The following SSBP2 variants were observed in gnomAD, a reference collection of about 807,000 sequenced individuals.
SSBP2 encodes the protein single-stranded DNA-binding protein 2.
SSBP2 carries 17 observed loss-of-function variants against 61.8 expected under a neutral mutation model. That is an observed-to-expected ratio of 0.28 (90% CI 0.19 to 0.41). The LOEUF is 0.41. Among genes scored for constraint, SSBP2 ranks in the 10% least tolerant of loss-of-function variants. The probability of loss-of-function intolerance (pLI) is 1.00; values close to 1 mark genes in which losing one functional copy is unlikely to be tolerated. For synonymous variants in SSBP2, 139 were observed against 141.3 expected (o/e 0.98, Z 0.12); for missense variants, 310 against 458.7 (o/e 0.68, Z 2.96).
upstream of SSBP2, chr5:81,751,375 G>C (rs942113076): frequency 6.3e-6 from 3 of 473,950 alleles, no homozygotes; most frequent in Admixed American, 3.7e-5. Flanking sequence ...CGGGCGCAAG[G>C]GGGGAATTAG....
chr5:81,442,181 C>A (rs932999631), intron 13 of SSBP2, among the ~76,000 whole-genome samples: 1 of 151,948 alleles, frequency 6.6e-6, no homozygotes, highest in African/African-American at 2.4e-5. Context: ...TAAGAACACC[C>A]AAGTTCTTCC....
At position 81,710,900 on chromosome 5, in the gene SSBP2, T is replaced by C. The variant is rs1283886040; in HGVS notation, c.62+40081A>G. 19 of 268,826 alleles carry C rather than the reference T, an allele frequency of 7.1e-5. No homozygotes were observed. In the Admixed American group the frequency reaches 8.3e-4, roughly 12 times the overall value. The allele number at this position is 268,826 out of a possible 1,614,324, so 16.7% of individuals were successfully genotyped here. The stretch of plus-strand genomic sequence containing the variant: ...ATCAAGTTTAAAAAGTAAATCTTTT[T>C]CCAAGATTTGTTAATATAAATACGT... On this transcript the variant is annotated intron_variant, in intron 1 of 16. Coordinates refer to ENST00000320672, the MANE Select transcript of SSBP2 (RefSeq NM_012446.5).
At position 81,497,267 on chromosome 5, in the gene SSBP2, C is replaced by T. The variant is rs531596769; in HGVS notation, c.373-7958G>A. Among the ~76,000 whole-genome samples, 5 of 152,130 alleles carry T rather than the reference C, an allele frequency of 3.3e-5. No individual in the cohort carries two copies. The East Asian group carries it at 5.8e-4, about 18-fold the overall frequency. On this transcript the variant is annotated intron_variant, in intron 5 of 16. Transcript: ENST00000320672. ...GGTAAATGGGTACGGTATTAATTATCGTCATTATAACAAAGATGTTCATTA... is the reference window on the plus strand; with the variant it reads ...GGTAAATGGGTACGGTATTAATTATTGTCATTATAACAAAGATGTTCATTA...
intron 1 of SSBP2, among the ~76,000 whole-genome samples, chr5:81,704,795 CAAAAAA>C (rs34376110): frequency 1.9e-5 from 1 of 51,988 alleles, no homozygotes; most frequent in African/African-American, 7.6e-5. Context: ...GATTCCATCT[CAAAAAA>C]AAAAAAAAAA....
intron 4 of SSBP2, among the ~76,000 whole-genome samples, chr5:81,523,088 TG>T (rs1224886691): frequency 3.3e-5 from 5 of 152,022 alleles, no homozygotes; most frequent in African/African-American, 1.2e-4. Flanking sequence ...AAGAGTGCTG[TG>T]ACTGGCTGGT....
chr5:81,632,696 A>T (rs1747841031), intron 3 of SSBP2, among the ~76,000 whole-genome samples: 1 of 152,062 alleles, frequency 6.6e-6, no homozygotes, highest in African/African-American at 2.4e-5. Flanking sequence ...CTGTATCTTC[A>T]GACTCTGCCC....
At chr5:81,670,322 GT>G (rs994301726) in intron 1 of SSBP2, among the ~76,000 whole-genome samples, 8 of 152,098 alleles carry the variant, frequency 5.3e-5, no homozygotes, top group Non-Finnish European at 1.0e-4. Flanking sequence ...GAACCTAAAA[GT>G]TAAAATTTAT....
At chr5:81,640,645 T>G (rs1054878705) in intron 2 of SSBP2, among the ~76,000 whole-genome samples, 2 of 152,184 alleles carry the variant, frequency 1.3e-5, no homozygotes, top group East Asian at 3.8e-4. Context: ...TCTGATGTCC[T>G]GCTAAAATTA....
intron 1 of SSBP2, among the ~76,000 whole-genome samples, chr5:81,699,543 T>G (rs1166323309): frequency 2.0e-5 from 3 of 152,234 alleles, no homozygotes; most frequent in Non-Finnish European, 4.4e-5. Context: ...ATTTAAGTTG[T>G]ATCATGAGAT....
intron 1 of SSBP2, among the ~76,000 whole-genome samples, chr5:81,651,186 C>T (rs78630608): frequency 6.6e-6 from 1 of 152,032 alleles, no homozygotes; most frequent in Non-Finnish European, 1.5e-5. Flanking sequence ...AGATAGCTCA[C>T]AACAGTTCAG....
intron 1 of SSBP2, among the ~76,000 whole-genome samples, chr5:81,737,294 TAAAAAAA>T (rs5869085): frequency 2.2e-5 from 3 of 139,060 alleles, no homozygotes; most frequent in East Asian, 2.1e-4. Context: ...TTCTCCAAGT[TAAAAAAA>T]AAAAAAAAAA....
chr5:81,666,761 T>C lies in SSBP2; in HGVS notation c.63-16422A>G, dbSNP rs543347239. Among the ~76,000 whole-genome samples, 47 of 152,320 alleles carry C rather than the reference T, an allele frequency of 3.1e-4. 1 individual carries two copies. The South Asian group carries it at 9.5e-3, about 31-fold the overall frequency. ...AATCCAATTTGAAGATCATCCTTTATACACAGGCTCCCACTTTCTATGGAA... is the reference window on the plus strand; with the variant it reads ...AATCCAATTTGAAGATCATCCTTTACACACAGGCTCCCACTTTCTATGGAA... On this transcript the variant is annotated intron_variant, in intron 1 of 16. Coordinates refer to ENST00000320672, the MANE Select transcript of SSBP2 (RefSeq NM_012446.5).
intron 5 of SSBP2, among the ~76,000 whole-genome samples, chr5:81,494,182 C>G (rs987893207): frequency 6.6e-6 from 1 of 152,110 alleles, no homozygotes; most frequent in African/African-American, 2.4e-5. Flanking sequence ...TACATCATCC[C>G]TATTTGATAG....
chr5:81,640,787 T>G (rs1486784795), intron 2 of SSBP2, among the ~76,000 whole-genome samples: 1 of 152,144 alleles, frequency 6.6e-6, no homozygotes, highest in Non-Finnish European at 1.5e-5. Flanking sequence ...AATTATAATT[T>G]AGTCAAAAAC....
chr5:81,728,950 A>T (rs1262562033), intron 1 of SSBP2, among the ~76,000 whole-genome samples: 1 of 152,186 alleles, frequency 6.6e-6, no homozygotes, highest in East Asian at 1.9e-4. Flanking sequence ...TTGAGTCTTA[A>T]AAGTCAGTAT....
intron 4 of SSBP2, among the ~76,000 whole-genome samples, chr5:81,520,525 C>T (rs1161460477): frequency 1.3e-5 from 2 of 152,070 alleles, no homozygotes; most frequent in Non-Finnish European, 1.5e-5. Context: ...AAAAGATATG[C>T]TTTAATTCAC....
chr5:81,439,667 GTTTTTTTTTTT>G (rs61650905), intron 14 of SSBP2, among the ~76,000 whole-genome samples: 1 of 100,156 alleles, frequency 1.0e-5, no homozygotes, highest in African/African-American at 5.1e-5. Flanking sequence ...TGCCCAGCTA[GTTTTTTTTTTT>G]TTTTTTTTTT....
rs2153875586 is a variant in SSBP2 at position 81,417,707 on chromosome 5, A to G, written c.*2797T>C. The G allele has an allele frequency of 6.6e-6, 1 of 152,344 alleles. No homozygotes were observed. The highest frequency in any genetic ancestry group is 1.9e-4 in the East Asian group (1 of 5,186). The allele number at this position is 152,344 out of a possible 1,614,324, so 9.4% of individuals were successfully genotyped here. A position where few individuals can be genotyped will look rare whatever the true frequency, so the allele number is the denominator to read the frequency against. The stretch of plus-strand genomic sequence containing the variant: ...TATACTGTCTTCCATTCAGTGCATG[A>G]AAGAATTATCTGGATATAAAAATCA... On this transcript the variant is annotated 3_prime_UTR_variant, in exon 17 of 17. Transcript: ENST00000320672.
intron 4 of SSBP2, among the ~76,000 whole-genome samples, chr5:81,564,972 T>A (rs1033884710): frequency 6.6e-6 from 1 of 152,188 alleles, no homozygotes; most frequent in Admixed American, 6.5e-5. Flanking sequence ...AGCAATACCA[T>A]GGCCTTGCAA....
Sources: gnomAD v4.1 joint callset for allele counts (sites outside exome capture counted in the v4.1 genomes callset) on GRCh38, gnomAD v4.1.1 for gene constraint, MANE v1.5 for transcripts, NCBI Gene and HGNC (gene_info 2026-07-23, HGNC 2026-07-21) for gene names.